The following BMPR1B variants were observed in gnomAD, a reference collection of about 807,000 sequenced individuals.
BMPR1B encodes the protein bone morphogenetic protein receptor type 1B, also known as bone morphogenetic protein receptor type-1B.
A neutral mutation model predicts 59.1 loss-of-function variants in BMPR1B; 12 were observed. That is an observed-to-expected ratio of 0.20 (90% CI 0.13 to 0.33). The LOEUF is 0.33. BMPR1B is among the 10% of genes least tolerant of loss of function. BMPR1B has a pLI of 1.00. For missense variants in BMPR1B, 550 were observed against 610.9 expected, an observed-to-expected ratio of 0.90 and a Z score of 1.05; for synonymous variants, 237 against 207.3, an observed-to-expected ratio of 1.14 and a Z score of -1.23.
At chr4:94,953,439 C>T (rs550367566) in intron 2 of BMPR1B, among the ~76,000 whole-genome samples, 17 of 152,060 alleles carry the variant, frequency 1.1e-4, no homozygotes, top group Admixed American at 2.0e-4. Context: ...TTCAGGAGCT[C>T]TTGTAAGGCA....
intron 3 of BMPR1B, among the ~76,000 whole-genome samples, chr4:95,049,513 CT>C (rs149915011): frequency 0.046 from 5,673 of 123,790 alleles, 180 homozygotes; most frequent in Non-Finnish European, 0.068. Flanking sequence ...ATTCAGAGTC[CT>C]GCACAATTTG....
intron 1 of BMPR1B, among the ~76,000 whole-genome samples, chr4:94,830,598 A>G (rs1362885360): frequency 2.0e-5 from 3 of 152,182 alleles, no homozygotes; most frequent in South Asian, 2.1e-4. Context: ...ATACTACCAT[A>G]TATCTGAAAT....
intron 3 of BMPR1B, among the ~76,000 whole-genome samples, chr4:95,051,186 T>A (rs2149188267): frequency 1.3e-5 from 2 of 152,366 alleles, no homozygotes; most frequent in African/African-American, 4.8e-5. Flanking sequence ...TACTTTGATC[T>A]GTTGCACTAT....
At chr4:94,934,864 C>T (rs1220198507) in intron 2 of BMPR1B, among the ~76,000 whole-genome samples, 2 of 151,726 alleles carry the variant, frequency 1.3e-5, no homozygotes, top group Middle Eastern at 3.2e-3. Context: ...ATAGTAGTAC[C>T]AAATGAAACT....
chr4:94,922,077 A>G (rs997701195), intron 2 of BMPR1B, among the ~76,000 whole-genome samples: 7 of 152,050 alleles, frequency 4.6e-5, no homozygotes, highest in Non-Finnish European at 8.8e-5. Context: ...GGTTCAATCT[A>G]TCCTTCCACC....
intron 2 of BMPR1B, among the ~76,000 whole-genome samples, chr4:94,963,821 T>C (rs181245599): frequency 1.1e-4 from 17 of 152,252 alleles, no homozygotes; most frequent in Admixed American, 1.1e-3. Flanking sequence ...TCTAGGTCTT[T>C]TGTGGTTCCA....
In BMPR1B at chr4:95,084,363, ATGTGTAT is replaced by A. The variant is rs1427718255; in HGVS notation, c.-17-20037_-17-20031del. ...TATGTGTAGGTGTGTGTGTATATATATGTGTATTGTGTATATATACATTTTTTTCATG... is the reference window on the plus strand; with the variant it reads ...TATGTGTAGGTGTGTGTGTATATATATGTGTATATATACATTTTTTTCATG... On this transcript the variant is annotated intron_variant, in intron 3 of 12. Coordinates refer to ENST00000515059, the MANE Select transcript of BMPR1B (RefSeq NM_001203.3). 2.2e-4 allele frequency among the ~76,000 whole-genome samples: 18 copies of A among 80,600 alleles called. No individual in the cohort carries two copies. In the South Asian group the frequency reaches 7.2e-3, roughly 32 times the overall value. The allele number at this position is 80,600 out of a possible 152,430, so 52.9% of individuals were successfully genotyped here. A position where few individuals can be genotyped will look rare whatever the true frequency, so the allele number is the denominator to read the frequency against.
intron 1 of BMPR1B, among the ~76,000 whole-genome samples, chr4:94,785,923 C>G (rs1332755015): frequency 6.6e-6 from 1 of 152,092 alleles, no homozygotes; most frequent in Non-Finnish European, 1.5e-5. Context: ...TCTCTGGATT[C>G]TATATAGTGA....
intron 1 of BMPR1B, among the ~76,000 whole-genome samples, chr4:94,805,092 GT>G (rs1335552182): frequency 6.6e-6 from 1 of 152,140 alleles, no homozygotes; most frequent in African/African-American, 2.4e-5. Flanking sequence ...TGTAAGTATA[GT>G]AAGACTTAGA....
chr4:95,024,519 A>C (rs540802279), intron 3 of BMPR1B, among the ~76,000 whole-genome samples: 119 of 152,286 alleles, frequency 7.8e-4, no homozygotes, highest in African/African-American at 2.5e-3. Context: ...GAGTTACCTG[A>C]CAAGGGCTTA....
At chr4:94,796,412 G>A (rs1238246214) in intron 1 of BMPR1B, among the ~76,000 whole-genome samples, 1 of 152,206 alleles carries the variant, frequency 6.6e-6, no homozygotes, top group Admixed American at 6.5e-5. Context: ...ACAGATGTTT[G>A]TGGCATCAAG....
At chr4:95,080,240 A>G (rs770189082) in intron 3 of BMPR1B, among the ~76,000 whole-genome samples, 5 of 152,184 alleles carry the variant, frequency 3.3e-5, no homozygotes, top group African/African-American at 4.8e-5. Flanking sequence ...GTATGTACAT[A>G]TGTACGTATG....
chr4:94,823,988 C>T (rs1400389271), intron 1 of BMPR1B, among the ~76,000 whole-genome samples: 2 of 152,154 alleles, frequency 1.3e-5, no homozygotes, highest in Admixed American at 6.5e-5. Context: ...CCTTGCGATC[C>T]ACCCGCCTTG....
intron 1 of BMPR1B, among the ~76,000 whole-genome samples, chr4:94,848,268 G>T (rs749805297): frequency 5.3e-5 from 8 of 152,128 alleles, no homozygotes; most frequent in Non-Finnish European, 1.2e-4. Flanking sequence ...TCATTGAACT[G>T]CTCTATGTAA....
intron 1 of BMPR1B, among the ~76,000 whole-genome samples, chr4:94,871,964 A>C (rs114768431): frequency 0.025 from 3,845 of 152,286 alleles, 138 homozygotes; most frequent in African/African-American, 0.084. Flanking sequence ...AATTTACCTC[A>C]ATTTCTAAGG....
At chr4:94,944,479 T>C (rs1460328536) in intron 2 of BMPR1B, among the ~76,000 whole-genome samples, 1 of 152,184 alleles carries the variant, frequency 6.6e-6, no homozygotes, top group Non-Finnish European at 1.5e-5. Context: ...GCATTATTGA[T>C]TTGCATTTCC....
At chr4:95,006,479 A>G (rs1468313286) in intron 3 of BMPR1B, among the ~76,000 whole-genome samples, 1 of 150,274 alleles carries the variant, frequency 6.7e-6, no homozygotes, top group African/African-American at 2.5e-5. Flanking sequence ...GGAAGGTTAA[A>G]TGACAATACT....
At chr4:95,022,809 T>C (rs1046377267) in intron 3 of BMPR1B, among the ~76,000 whole-genome samples, 1 of 152,164 alleles carries the variant, frequency 6.6e-6, no homozygotes, top group African/African-American at 2.4e-5. Flanking sequence ...GCCATGTAAC[T>C]ACTACTGCTA....
intron 1 of BMPR1B, among the ~76,000 whole-genome samples, chr4:94,835,341 G>T (rs186807894): frequency 1.3e-5 from 2 of 152,210 alleles, no homozygotes; most frequent in Admixed American, 1.3e-4. Context: ...GGCTTTAAGA[G>T]AATTTTTTAA....
Sources: gnomAD v4.1 joint callset for allele counts (sites outside exome capture counted in the v4.1 genomes callset) on GRCh38, gnomAD v4.1.1 for gene constraint, MANE v1.5 for transcripts, NCBI Gene and HGNC (gene_info 2026-07-23, HGNC 2026-07-21) for gene names.